The following TGFBRAP1 variants were observed in gnomAD, a reference collection of about 807,000 sequenced individuals.
The protein encoded by TGFBRAP1 is transforming growth factor-beta receptor-associated protein 1.
Under a neutral mutation model 83.2 loss-of-function variants are expected in TGFBRAP1, and 20 were observed. The ratio of observed to expected loss-of-function variants is 0.24; its 90% CI spans 0.17 to 0.35. The LOEUF (loss-of-function observed/expected upper bound fraction) is 0.35. TGFBRAP1 is among the 10% of genes least tolerant of loss of function. TGFBRAP1 has a pLI of 1.00. For missense variants in TGFBRAP1, 950 were observed against 1,099.4 expected, an observed-to-expected ratio of 0.86 and a Z score of 1.92; for synonymous variants, 415 against 459.8, an observed-to-expected ratio of 0.90 and a Z score of 1.25.
At chr2:105,274,163 G>A (rs80095649) in intron 8 of TGFBRAP1, among the ~76,000 whole-genome samples, 1,848 of 152,250 alleles carry the variant, frequency 0.012, 49 homozygotes, top group African/African-American at 0.043. Context: ...ATCTACTCTG[G>A]GTTATTTATG....
In TGFBRAP1 at chr2:105,269,560, G is replaced by A. The variant is rs1167015991; in HGVS notation, c.2118C>T (p.Gly706=). The A allele has an allele frequency of 2.5e-6, 4 of 1,611,492 alleles. No individual in the cohort carries two copies. The African/African-American group carries it at 5.3e-5, about 22-fold the overall frequency. ...GTTGCTGGCGGTGGGGTGGGTCTCG[G>A]CCCTCGGAGCACCACAGGCAGTAGT... ...AEDYCLWCSE[G]RDPPHRQQLF... The change falls in exon 11 of 12, where the codon GGC becomes GGT. Residue 706 remains glycine, a synonymous_variant. Coordinates refer to ENST00000393359, the MANE Select transcript of TGFBRAP1 (RefSeq NM_004257.6). This position sits in a 1 kb window ranked among gnomAD's most constrained non-coding sequence, Gnocchi z 4.1.
chr2:105,259,357 G>T, the TGFBRAP1 span, among the ~76,000 whole-genome samples: 1 of 152,134 alleles, frequency 6.6e-6, no homozygotes, highest in South Asian at 2.1e-4. Flanking sequence ...TGTCTATACT[G>T]CCTGCAAAGT....
intron 1 of TGFBRAP1, among the ~76,000 whole-genome samples, chr2:105,325,504 T>G (rs775626491): frequency 5.9e-5 from 9 of 152,130 alleles, no homozygotes; most frequent in Non-Finnish European, 1.2e-4. Context: ...GGGGAACAAG[T>G]ATGATTTCAG....
chr2:105,290,736 G>A (rs959285835), intron 4 of TGFBRAP1, among the ~76,000 whole-genome samples: 1 of 151,874 alleles, frequency 6.6e-6, no homozygotes, highest in African/African-American at 2.4e-5. Flanking sequence ...TGGGCAAGGT[G>A]GCTCACACCT....
rs1447248648 is a variant in TGFBRAP1 at position 105,327,899 on chromosome 2, C to T, written c.-18+1726G>A. Among the ~76,000 whole-genome samples the T allele has an allele frequency of 2.0e-5, 3 of 152,306 alleles. No homozygotes were observed. In the South Asian group the frequency reaches 6.2e-4, roughly 32 times the overall value. ...CAATTGTGTAATGCAAACCTTGATG[C>T]ACATAGCAAATTGGAATTCAGAACC... On this transcript the variant is annotated intron_variant, in intron 1 of 11. Transcript: ENST00000393359.
the TGFBRAP1 span, among the ~76,000 whole-genome samples, chr2:105,252,775 CAG>C: frequency 2.2e-5 from 2 of 92,866 alleles, no homozygotes; most frequent in African/African-American, 8.3e-5. Flanking sequence ...TTTTTTGAGA[CAG>C]AGTCTTTCTC....
chr2:105,292,665 A>AG (rs754910287), intron 4 of TGFBRAP1, among the ~76,000 whole-genome samples: 1 of 146,794 alleles, frequency 6.8e-6, no homozygotes, highest in Non-Finnish European at 1.5e-5. Flanking sequence ...AGAAGGAGGG[A>AG]GAGAGAGAGA....
chr2:105,309,636 G>C (rs1678630457), intron 1 of TGFBRAP1, among the ~76,000 whole-genome samples: 1 of 152,186 alleles, frequency 6.6e-6, no homozygotes, highest in Non-Finnish European at 1.5e-5. Context: ...TGAGACTCCA[G>C]CCCCCTTCCT....
chr2:105,322,490 A>G (rs1475835288), intron 1 of TGFBRAP1, among the ~76,000 whole-genome samples: 1 of 152,174 alleles, frequency 6.6e-6, no homozygotes, highest in Non-Finnish European at 1.5e-5. Flanking sequence ...TGCGAGCTCC[A>G]TTCACAGTAA....
At position 105,275,496 on chromosome 2, in the gene TGFBRAP1, C is replaced by A. The variant is rs1677307664; in HGVS notation, c.1665+64G>T. The A allele has an allele frequency of 1.9e-6, 3 of 1,582,368 alleles. No homozygotes were observed. The African/African-American group carries it at 4.1e-5, about 22-fold the overall frequency. Reference sequence around the variant, plus strand: ...TTCTTTTCCCCTCCTAAAAGCAAAGCTTTTGGGGTCTGTTTTTACCACCTC... The same window carrying A: ...TTCTTTTCCCCTCCTAAAAGCAAAGATTTTGGGGTCTGTTTTTACCACCTC... On this transcript the variant is annotated intron_variant, in intron 8 of 11. Transcript: ENST00000393359.
At chr2:105,320,667 A>G (rs1218035438) in intron 1 of TGFBRAP1, among the ~76,000 whole-genome samples, 2 of 152,208 alleles carry the variant, frequency 1.3e-5, no homozygotes, top group African/African-American at 4.8e-5. Context: ...ATTTAGTAAG[A>G]AAAATTATAG....
chr2:105,258,340 AG>A, the TGFBRAP1 span, among the ~76,000 whole-genome samples: 1 of 152,122 alleles, frequency 6.6e-6, no homozygotes, highest in Non-Finnish European at 1.5e-5. Flanking sequence ...TGCCTCTGTG[AG>A]GGTGTTTCCA....
chr2:105,311,199 T>C (rs1412092179), intron 1 of TGFBRAP1, among the ~76,000 whole-genome samples: 2 of 150,656 alleles, frequency 1.3e-5, no homozygotes, highest in Admixed American at 1.3e-4. Context: ...TAAAAAGTCA[T>C]AACTCTATAA....
chr2:105,282,355 T>C (rs966978005), intron 5 of TGFBRAP1, among the ~76,000 whole-genome samples: 2 of 152,196 alleles, frequency 1.3e-5, no homozygotes, highest in Admixed American at 6.5e-5. Flanking sequence ...TGATCAATTT[T>C]CTCTTAAGTT....
At chr2:105,302,478 A>G (rs1316991801) in intron 2 of TGFBRAP1, among the ~76,000 whole-genome samples, 5 of 152,162 alleles carry the variant, frequency 3.3e-5, no homozygotes, top group Admixed American at 6.6e-5. Flanking sequence ...AATAGTGCGC[A>G]GCTATAAAAT....
intron 1 of TGFBRAP1, among the ~76,000 whole-genome samples, chr2:105,323,757 G>A (rs377627853): frequency 6.6e-6 from 1 of 152,288 alleles, no homozygotes; most frequent in Non-Finnish European, 1.5e-5. Flanking sequence ...CCCATGGGGG[G>A]TTTGATAGGC....
chr2:105,293,500 A>T (rs1187928054), intron 4 of TGFBRAP1, among the ~76,000 whole-genome samples: 1 of 152,180 alleles, frequency 6.6e-6, no homozygotes, highest in Non-Finnish European at 1.5e-5. Flanking sequence ...AATGAAGGGA[A>T]AGGAGTGCAA....
chr2:105,323,744 A>G (rs1573225933), intron 1 of TGFBRAP1, among the ~76,000 whole-genome samples: 1 of 152,140 alleles, frequency 6.6e-6, no homozygotes, highest in Non-Finnish European at 1.5e-5. Context: ...AACACCTCCA[A>G]TTCCCATGGG....
At chr2:105,316,391 T>C (rs1184016129) in intron 1 of TGFBRAP1, among the ~76,000 whole-genome samples, 2 of 148,512 alleles carry the variant, frequency 1.3e-5, no homozygotes, top group Admixed American at 6.7e-5. Flanking sequence ...AAAAATGCCA[T>C]TCCAATACAA....
Sources: allele counts gnomAD v4.1 joint callset (sites outside exome capture counted in the v4.1 genomes callset), GRCh38; gene constraint gnomAD v4.1.1; non-coding constraint Gnocchi (gnomAD v3.1); transcripts MANE v1.5; gene names NCBI Gene and HGNC (gene_info 2026-07-23, HGNC 2026-07-21).